FGF7: variants seen among roughly 807,000 people sequenced by gnomAD.
FGF7 encodes the protein FGF-7.
FGF7 carries 6 observed loss-of-function variants against 20.5 expected under a neutral mutation model. The ratio of observed to expected loss-of-function variants is 0.29; its 90% confidence interval spans 0.16 to 0.58. FGF7 has a LOEUF of 0.58. Ranked by LOEUF, FGF7 falls within the 20% of genes least tolerant of loss-of-function variation. FGF7 has a pLI of 0.90. For synonymous variants in FGF7, 64 were observed against 74.7 expected (o/e 0.86, Z 0.74); for missense variants, 144 against 228.8 (o/e 0.63, Z 2.39).
intron 2 of FGF7, among the ~76,000 whole-genome samples, chr15:49,441,043 C>T (rs1244601730): frequency 6.6e-6 from 1 of 151,694 alleles, no homozygotes; most frequent in East Asian, 1.9e-4. Flanking sequence ...AAACATAACA[C>T]TTAAATACTT....
intron 2 of FGF7, chr15:49,434,784 T>A (rs1260602082): frequency 6.6e-6 from 1 of 151,574 alleles, no homozygotes; most frequent in African/African-American, 2.4e-5. Flanking sequence ...ACATAGACTG[T>A]GAATTTGTTC....
intron 2 of FGF7, among the ~76,000 whole-genome samples, chr15:49,460,361 T>C (rs62012206): frequency 1.3e-5 from 2 of 152,194 alleles, no homozygotes; most frequent in African/African-American, 2.4e-5. Flanking sequence ...AGTTTGATTT[T>C]AGTGGAATGA....
chr15:49,444,067 C>T (rs1161901252), intron 2 of FGF7, among the ~76,000 whole-genome samples: 1 of 151,648 alleles, frequency 6.6e-6, no homozygotes, highest in Non-Finnish European at 1.5e-5. Context: ...AACAAGGATG[C>T]AAGGTCACCT....
At chr15:49,467,034 A>T (rs1436966410) in intron 2 of FGF7, among the ~76,000 whole-genome samples, 1 of 152,182 alleles carries the variant, frequency 6.6e-6, no homozygotes, top group Non-Finnish European at 1.5e-5. Context: ...AAATGTTTAG[A>T]ATTATCTTAT....
intron 2 of FGF7, among the ~76,000 whole-genome samples, chr15:49,440,278 G>T (rs1597205898): frequency 6.6e-6 from 1 of 151,684 alleles, no homozygotes; most frequent in East Asian, 2.0e-4. Context: ...TTACAATTTG[G>T]ATCATTTCCC....
intron 2 of FGF7, among the ~76,000 whole-genome samples, chr15:49,430,456 C>G (rs1016125125): frequency 6.6e-6 from 1 of 151,784 alleles, no homozygotes; most frequent in African/African-American, 2.4e-5. Flanking sequence ...CAACCTCTAG[C>G]CTAGGAAACC....
chr15:49,471,314 T>C (rs1001900072), intron 2 of FGF7, among the ~76,000 whole-genome samples: 1 of 151,348 alleles, frequency 6.6e-6, no homozygotes. Flanking sequence ...GCAAAACCCC[T>C]CCTCTACTAA....
chr15:49,464,503 G>A (rs556712347), intron 2 of FGF7, among the ~76,000 whole-genome samples: 21 of 152,234 alleles, frequency 1.4e-4, no homozygotes, highest in African/African-American at 4.8e-4. Context: ...AGCTAATGAT[G>A]ATAAAATGCT....
In FGF7 at chr15:49,424,223, T is replaced by C; in HGVS notation, c.-75T>C. On this transcript the variant is annotated 5_prime_UTR_variant, in exon 2 of 4. The change abolishes an upstream ATG in the 5' untranslated region. Transcript: ENST00000267843. ...CAATTCACAGATAGGAAGAGGTCAA[T>C]GACCTAGGAGTAACAATCAACTCAA... 3.0e-6 allele frequency: 4 copies of C among 1,330,988 alleles called. No homozygotes were observed. The highest frequency in any genetic ancestry group is 4.2e-6 in the Non-Finnish European group (4 of 947,220). 82.4% of individuals were successfully genotyped at this position (1,330,988 alleles called of 1,614,324 possible).
rs528002022 is a variant in FGF7 at position 49,444,292 on chromosome 15, TTC to T, written c.286+19711_286+19712del. Among the ~76,000 whole-genome samples the T allele has an allele frequency of 1.9e-3, 281 of 151,890 alleles. 2 individuals carry two copies. Among genetic ancestry groups the T allele is most frequent in the African/African-American group, 6.4e-3 (267 of 41,512 alleles). ...ATCCAGCTATTTAGCCCAGTGTTTC[TTC>T]TTTTTAACATTTTAACATTTCAGTA... On this transcript the variant is annotated intron_variant, in intron 2 of 3. Coordinates refer to ENST00000267843, the MANE Select transcript of FGF7 (RefSeq NM_002009.4).
chr15:49,424,472 A>C lies in FGF7; in HGVS notation c.175A>C (p.Met59Leu), dbSNP rs776131808. Residue 59 changes from methionine to leucine, a missense_variant, in exon 2 of 4, where the codon ATG becomes CTG. By Grantham distance (15) the Met-to-Leu change is conservative (BLOSUM62 2). Transcript: ENST00000267843. ...PERHTRSYDY[M>L]EGGDIRVRRL... ...GCGACACACAAGAAGTTATGATTACATGGAAGGAGGGGATATAAGAGTGAG... is the reference window on the plus strand; with the variant it reads ...GCGACACACAAGAAGTTATGATTACCTGGAAGGAGGGGATATAAGAGTGAG... The C allele has an allele frequency of 9.3e-6, 15 of 1,613,594 alleles. No individual in the cohort carries two copies. Among genetic ancestry groups the C allele is most frequent in the East Asian group, 6.7e-5 (3 of 44,854 alleles).
intron 2 of FGF7, among the ~76,000 whole-genome samples, chr15:49,443,084 G>A (rs1435840311): frequency 1.3e-5 from 2 of 151,690 alleles, no homozygotes; most frequent in Non-Finnish European, 3.0e-5. Context: ...TTAGTTATAA[G>A]TAGGGTGACC....
chr15:49,429,932 T>C (rs1290263119), intron 2 of FGF7, among the ~76,000 whole-genome samples: 1 of 151,958 alleles, frequency 6.6e-6, no homozygotes, highest in African/African-American at 2.4e-5. Context: ...CCACTGCTTA[T>C]GGAGAACAAG....
chr15:49,476,077 T>C (rs16973952), intron 2 of FGF7, among the ~76,000 whole-genome samples: 1 of 151,860 alleles, frequency 6.6e-6, no homozygotes, highest in African/African-American at 2.4e-5. Flanking sequence ...TATCTCTCAA[T>C]TAGCATGTTT....
intron 2 of FGF7, among the ~76,000 whole-genome samples, chr15:49,462,320 C>A (rs188509067): frequency 6.6e-6 from 1 of 152,134 alleles, no homozygotes; most frequent in African/African-American, 2.4e-5. Context: ...ATGTATTTTG[C>A]AAGATAAATA....
chr15:49,483,556 A>T (rs2056142222), intron 3 of FGF7, among the ~76,000 whole-genome samples: 1 of 151,972 alleles, frequency 6.6e-6, no homozygotes, highest in South Asian at 2.1e-4. Flanking sequence ...CAAAATTTCC[A>T]TTTGCCAGTA....
chr15:49,469,191 A>G (rs149543980), intron 2 of FGF7, among the ~76,000 whole-genome samples: 1,745 of 152,276 alleles, frequency 0.011, 15 homozygotes, highest in Middle Eastern at 0.037. Context: ...CTTATAAGAC[A>G]TTTGTCTATA....
intron 2 of FGF7, among the ~76,000 whole-genome samples, chr15:49,476,562 G>T (rs2055338639): frequency 6.6e-6 from 1 of 151,566 alleles, no homozygotes; most frequent in African/African-American, 2.4e-5. Flanking sequence ...CATTGGGTAA[G>T]AAGATCTTAA....
chr15:49,424,988 A>G (rs1444114188), intron 2 of FGF7: 1 of 153,318 alleles, frequency 6.5e-6, no homozygotes, highest in African/African-American at 2.4e-5. Context: ...TAGGGAAATT[A>G]TTTTTATTAA....
Sources: gnomAD v4.1 joint callset for allele counts (sites outside exome capture counted in the v4.1 genomes callset) on GRCh38, gnomAD v4.1.1 for gene constraint, MANE v1.5 for transcripts, NCBI Gene and HGNC (gene_info 2026-07-23, HGNC 2026-07-21) for gene names.